ZNF619: variants seen among roughly 807,000 people sequenced by gnomAD.
The protein encoded by ZNF619 is zinc finger protein 619.
A neutral mutation model predicts 14.2 loss-of-function variants in ZNF619; 9 were observed. The observed-to-expected ratio is 0.64, with a 90% CI of 0.38 to 1.11. The LOEUF (loss-of-function observed/expected upper bound fraction) is 1.11. ZNF619 is among the 50% of genes least tolerant of loss of function. The pLI is 0.01. For missense variants in ZNF619, 659 were observed against 680.1 expected (o/e 0.97, Z 0.34); for synonymous variants, 246 against 252.8 (o/e 0.97, Z 0.26).
Position 40,488,252 on chromosome 3 carries a change from G to A in ZNF619, c.*11G>A, listed in dbSNP as rs374778153. On this transcript the variant is annotated 3_prime_UTR_variant, in exon 5 of 5. Transcript: ENST00000432264. ...TCTCACTCCCTGTAAGCCCCGTCAC[G>A]TTCTCAAAATCCTTTGCACCTCAAG... 33 of 1,370,408 alleles carry A rather than the reference G, an allele frequency of 2.4e-5. No homozygotes were observed. In the African/African-American group the frequency reaches 4.6e-4, roughly 19 times the overall value. The allele number at this position is 1,370,408 out of a possible 1,614,324, so 84.9% of individuals were successfully genotyped here.
At position 40,480,590 on chromosome 3, in the gene ZNF619, C is replaced by T. The variant is rs546907848; in HGVS notation, c.25-1273C>T. On this transcript the variant is annotated intron_variant, in intron 2 of 4. Coordinates refer to ENST00000432264, the MANE Select transcript of ZNF619 (RefSeq NM_001145093.4). ...CTCGGCTCACTCCAAGCTCTGCCTCCGGGGTTCACGCCATTCTCCAGCCTC... is the reference window on the plus strand; with the variant it reads ...CTCGGCTCACTCCAAGCTCTGCCTCTGGGGTTCACGCCATTCTCCAGCCTC... Among the ~76,000 whole-genome samples, 221 of 151,380 alleles carry T rather than the reference C, an allele frequency of 1.5e-3. 1 individual carries two copies. Among genetic ancestry groups the T allele is most frequent in the Non-Finnish European group, 2.6e-3 (174 of 67,948 alleles).
rs145458159 is a variant in ZNF619 at position 40,480,565 on chromosome 3, C to G, written c.25-1298C>G. Among the ~76,000 whole-genome samples the G allele has an allele frequency of 4.3e-4, 63 of 144,996 alleles. 1 individual carries two copies. The highest frequency in any genetic ancestry group is 3.7e-3 in the Middle Eastern group (1 of 270). On this transcript the variant is annotated intron_variant, in intron 2 of 4. Transcript: ENST00000432264. ...CCAGGCTGGGGTGCAGTGGTGCAAT[C>G]TCGGCTCACTCCAAGCTCTGCCTCC...
intron 3 of ZNF619, 71 bp downstream of exon 3, chr3:40,482,087 T>A: frequency 6.4e-7 from 1 of 1,553,476 alleles, no homozygotes; most frequent in Non-Finnish European, 8.7e-7. Context: ...TTAGCAGAAC[T>A]AGGATCTCTT....
At position 40,487,368 on chromosome 3, in the gene ZNF619, G is replaced by A; in HGVS notation, c.858G>A (p.Arg286=). Residue 286 remains arginine, a synonymous_variant, in exon 5 of 5, where the codon AGG becomes AGA. Coordinates refer to ENST00000432264, the MANE Select transcript of ZNF619 (RefSeq NM_001145093.4). ...ATCAGAAGCTCCATGGTGGACAGAG[G>A]CCCTATGAATGTACTGACTGTGGTA... ...LQHQKLHGGQ[R]PYECTDCGKT... 6.2e-7 allele frequency: 1 copy of A among 1,614,130 alleles called. No homozygotes were observed. The highest frequency in any genetic ancestry group is 8.5e-7 in the Non-Finnish European group (1 of 1,180,040).
intron 2 of ZNF619, among the ~76,000 whole-genome samples, chr3:40,478,370 A>G (rs1469019708): frequency 6.6e-6 from 1 of 152,196 alleles, no homozygotes; most frequent in East Asian, 1.9e-4. Flanking sequence ...ATTAAAGGGC[A>G]GATTAAAATT....
intron 2 of ZNF619, among the ~76,000 whole-genome samples, chr3:40,481,205 A>G (rs1165126627): frequency 6.6e-6 from 1 of 152,232 alleles, no homozygotes; most frequent in Admixed American, 6.5e-5. Flanking sequence ...AGTGGGAAGC[A>G]GAAAGAGAGA....
At chr3:40,478,376 A>G (rs1409414481) in intron 2 of ZNF619, among the ~76,000 whole-genome samples, 3 of 152,142 alleles carry the variant, frequency 2.0e-5, no homozygotes, top group Admixed American at 6.6e-5. Context: ...GGGCAGATTA[A>G]AATTTGAGGA....
Position 40,487,777 on chromosome 3 carries a change from A to G in ZNF619, c.1267A>G (p.Asn423Asp). Residue 423 changes from asparagine to aspartate, a missense_variant, in exon 5 of 5, where the codon AAT becomes GAT. Coordinates refer to ENST00000432264, the MANE Select transcript of ZNF619 (RefSeq NM_001145093.4). ...CTTCATAGTGCATCAGAGAATCCACAATGGGGAGAAACCCTATGAATGCCA... is the reference window on the plus strand; with the variant it reads ...CTTCATAGTGCATCAGAGAATCCACGATGGGGAGAAACCCTATGAATGCCA... ...SRFIVHQRIH[N>D]GEKPYECQEC... The G allele has an allele frequency of 2.5e-6, 4 of 1,614,222 alleles. No individual in the cohort carries two copies. Among genetic ancestry groups the G allele is most frequent in the Non-Finnish European group, 2.5e-6 (3 of 1,180,046 alleles).
At chr3:40,485,061 G>A (rs573578858) in intron 4 of ZNF619, among the ~76,000 whole-genome samples, 39 of 152,050 alleles carry the variant, frequency 2.6e-4, no homozygotes, top group African/African-American at 8.9e-4. Context: ...CTAATTAGAT[G>A]GGACTACTGG....
Position 40,488,245 on chromosome 3 carries a change from C to T in ZNF619, c.*4C>T, listed in dbSNP as rs1011076170. 9 of 1,421,364 alleles carry T rather than the reference C, an allele frequency of 6.3e-6. No homozygotes were observed. Among genetic ancestry groups the T allele is most frequent in the Non-Finnish European group, 8.8e-6 (9 of 1,027,816 alleles). 88.0% of individuals were successfully genotyped at this position (1,421,364 alleles called of 1,614,324 possible). On this transcript the variant is annotated 3_prime_UTR_variant, in exon 5 of 5. Transcript: ENST00000432264. ...TCCTTTGTCTCACTCCCTGTAAGCC[C>T]CGTCACGTTCTCAAAATCCTTTGCA...
At position 40,482,384 on chromosome 3, in the gene ZNF619, C is replaced by A. The variant is rs778486259; in HGVS notation, c.179-204C>A. 6 of 1,580,732 alleles carry A rather than the reference C, an allele frequency of 3.8e-6. 1 individual carries two copies. In the South Asian group the frequency reaches 5.7e-5, roughly 15 times the overall value. ...CTAGGGCCCTCGTGTACACACCCCC[C>A]AGTGACTCTGGGAGCATTCTGTCCT... On this transcript the variant is annotated intron_variant, in intron 3 of 4. Coordinates refer to ENST00000432264, the MANE Select transcript of ZNF619 (RefSeq NM_001145093.4).
intron 1 of ZNF619, 63 bp from the exon 2 acceptor site, chr3:40,477,855 G>T: frequency 1.2e-6 from 1 of 849,602 alleles, no homozygotes; most frequent in Non-Finnish European, 1.9e-6. Context: ...GCAGGAGACA[G>T]AGGGGAAGAG....
At position 40,478,017 on chromosome 3, in the gene ZNF619, T is replaced by G. The variant is rs1421623093; in HGVS notation, c.24+14T>G. ...GTGTGGTTCCAGGTGAGCAGAGCTT[T>G]CTTTCAGCTTTCCATACTCAGAACA... On this transcript the variant is annotated intron_variant, in intron 2 of 4. Coordinates refer to ENST00000432264, the MANE Select transcript of ZNF619 (RefSeq NM_001145093.4). 3 of 1,552,496 alleles carry G rather than the reference T, an allele frequency of 1.9e-6. No homozygotes were observed.
At chr3:40,481,461 G>T (rs1697389763) in intron 2 of ZNF619, among the ~76,000 whole-genome samples, 2 of 152,218 alleles carry the variant, frequency 1.3e-5, no homozygotes, top group South Asian at 4.1e-4. Context: ...TCACTCCTCT[G>T]TCTGTAGCAG....
In ZNF619 at chr3:40,481,974, A is replaced by G. The variant is rs1227734096; in HGVS notation, c.136A>G (p.Arg46Gly). 1.2e-6 allele frequency: 2 copies of G among 1,609,032 alleles called. No individual in the cohort carries two copies. Among genetic ancestry groups the G allele is most frequent in the South Asian group, 1.1e-5 (1 of 90,394 alleles). ...GCACCCTACGCAGAGGGCCCTATACAGGGAGGTGATGCTGGAGAATTATGC... is the reference window on the plus strand; with the variant it reads ...GCACCCTACGCAGAGGGCCCTATACGGGGAGGTGATGCTGGAGAATTATGC... The part of the protein sequence containing the change: ...SLHPTQRALY[R>G]EVMLENYANV... The change falls in exon 3 of 5, where the codon AGG becomes GGG. Residue 46 changes from arginine (R) to glycine (G), a missense_variant. Arg to Gly is a moderately radical substitution (Grantham distance 125, BLOSUM62 -2). Transcript: ENST00000432264.
At chr3:40,485,740 G>A (rs571135266) in intron 4 of ZNF619, among the ~76,000 whole-genome samples, 1 of 152,090 alleles carries the variant, frequency 6.6e-6, no homozygotes, top group Non-Finnish European at 1.5e-5. Flanking sequence ...AAAACACTAA[G>A]ATGAAAGTTT....
At position 40,487,372 on chromosome 3, in the gene ZNF619, T is replaced by G. The variant is rs1423579609; in HGVS notation, c.862T>G (p.Tyr288Asp). The change falls in exon 5 of 5, where the codon TAT becomes GAT. Residue 288 changes from tyrosine (Y) to aspartate (D), a missense_variant. Transcript: ENST00000432264. ...GAAGCTCCATGGTGGACAGAGGCCC[T>G]ATGAATGTACTGACTGTGGTAAAAC... ...HQKLHGGQRPYECTDCGKTFS... is the reference protein window; with the variant it reads ...HQKLHGGQRPDECTDCGKTFS... 7 of 1,614,100 alleles carry G rather than the reference T, an allele frequency of 4.3e-6. No homozygotes were observed. The highest frequency in any genetic ancestry group is 1.3e-5 in the African/African-American group (1 of 74,928).
chr3:40,485,280 TA>T (rs1424315068), intron 4 of ZNF619, among the ~76,000 whole-genome samples: 1 of 151,272 alleles, frequency 6.6e-6, no homozygotes, highest in African/African-American at 2.4e-5. Context: ...TAAAGTAGTA[TA>T]AAGTCTATTG....
At chr3:40,478,048 G>A in intron 2 of ZNF619, 45 bp downstream of exon 2, 1 of 1,542,086 alleles carries the variant, frequency 6.5e-7, no homozygotes, top group Non-Finnish European at 8.8e-7. Context: ...GAACAGATAT[G>A]GAAGGTCAGT....
Sources: gnomAD v4.1 joint callset for allele counts (sites outside exome capture counted in the v4.1 genomes callset) on GRCh38, gnomAD v4.1.1 for gene constraint, MANE v1.5 for transcripts, NCBI Gene and HGNC (gene_info 2026-07-23, HGNC 2026-07-21) for gene names.